PCDH9: variants seen among roughly 807,000 people sequenced by gnomAD.
The protein encoded by PCDH9 is protocadherin 9, also known as protocadherin-9.
A neutral mutation model predicts 70.6 loss-of-function variants in PCDH9; 24 were observed. The ratio of observed to expected loss-of-function variants is 0.34; its 90% CI spans 0.25 to 0.48. The LOEUF is 0.48. PCDH9 is among the 20% of genes least tolerant of loss of function. The pLI, the probability that PCDH9 is intolerant of heterozygous loss-of-function variation, is 0.99. For missense variants in PCDH9, 1,281 were observed against 1,503.6 expected, an observed-to-expected ratio of 0.85 and a Z score of 2.45; for synonymous variants, 562 against 558.5, an observed-to-expected ratio of 1.01 and a Z score of -0.09.
rs192395763 is a variant in PCDH9 at position 67,078,940 on chromosome 13, G to C, written c.3036+146465C>G. 1.5e-3 allele frequency among the ~76,000 whole-genome samples: 225 copies of C among 152,240 alleles called. 1 individual carries two copies. The highest frequency in any genetic ancestry group is 5.3e-3 in the African/African-American group (221 of 41,540). On this transcript the variant is annotated intron_variant, in intron 2 of 4. Transcript: ENST00000377865. ...TCCTGCAGTGGCCAGTCTGGACCTA[G>C]TCTACAAATCAGAAACTAAGAAAAT... is the stretch of plus-strand genomic sequence containing the variant.
At chr13:66,794,849 C>G (rs760101984) in intron 3 of PCDH9, among the ~76,000 whole-genome samples, 3 of 151,970 alleles carry the variant, frequency 2.0e-5, no homozygotes, top group Admixed American at 2.0e-4. Context: ...CACTGAAACA[C>G]TCATGACTAC....
chr13:66,410,287 T>TA (rs370526657), intron 4 of PCDH9, among the ~76,000 whole-genome samples: 384 of 152,178 alleles, frequency 2.5e-3, no homozygotes, highest in Non-Finnish European at 3.8e-3. Flanking sequence ...TATATAAGGA[T>TA]TAGTACCCTA....
At chr13:67,182,797 C>T (rs1371134823) in intron 2 of PCDH9, among the ~76,000 whole-genome samples, 1 of 152,088 alleles carries the variant, frequency 6.6e-6, no homozygotes, top group Non-Finnish European at 1.5e-5. Flanking sequence ...GGGGTACCCT[C>T]TTCCTTTACA....
chr13:66,442,092 T>G (rs967136094), intron 4 of PCDH9, among the ~76,000 whole-genome samples: 3 of 152,164 alleles, frequency 2.0e-5, no homozygotes, highest in African/African-American at 7.2e-5. Flanking sequence ...CTTAAAGGGA[T>G]GGGGAGGATT....
In PCDH9 at chr13:66,720,319, C is replaced by CT. The variant is rs1216610961; in HGVS notation, c.3139-88909dup. ...TGCTACCATACCTGGCTAATTTTTG[C>CT]TTTTTTGTTTTTTTTTTTTTTTTGG... On this transcript the variant is annotated intron_variant, in intron 3 of 4. Coordinates refer to ENST00000377865, the MANE Select transcript of PCDH9 (RefSeq NM_203487.3). 9.1e-4 allele frequency among the ~76,000 whole-genome samples: 71 copies of CT among 77,976 alleles called. 1 individual carries two copies. The South Asian group carries it at 0.035, about 38-fold the overall frequency. 51.2% of individuals were successfully genotyped at this position (77,976 alleles called of 152,430 possible). A position where few individuals can be genotyped will look rare whatever the true frequency, so the allele number is the denominator to read the frequency against.
At chr13:67,188,880 C>T (rs2088831887) in intron 2 of PCDH9, among the ~76,000 whole-genome samples, 1 of 151,572 alleles carries the variant, frequency 6.6e-6, no homozygotes, top group African/African-American at 2.4e-5. Flanking sequence ...TTCTATGCAC[C>T]CATCACCCAA....
At chr13:66,668,729 A>G (rs2078130889) in intron 3 of PCDH9, among the ~76,000 whole-genome samples, 1 of 152,312 alleles carries the variant, frequency 6.6e-6, no homozygotes, top group African/African-American at 2.4e-5. Flanking sequence ...ATTGAAAATC[A>G]TTCCTTCTCT....
intron 2 of PCDH9, among the ~76,000 whole-genome samples, chr13:67,132,566 G>T (rs2087133691): frequency 6.6e-6 from 1 of 152,136 alleles, no homozygotes; most frequent in South Asian, 2.1e-4. Context: ...CAAATAGGTG[G>T]TAACATATAG....
At chr13:66,827,436 G>C (rs1275001239) in intron 3 of PCDH9, among the ~76,000 whole-genome samples, 1 of 151,548 alleles carries the variant, frequency 6.6e-6, no homozygotes, top group African/African-American at 2.4e-5. Context: ...ACTATAGAAG[G>C]ATAATAGTGA....
intron 3 of PCDH9, among the ~76,000 whole-genome samples, chr13:66,745,790 T>C (rs910025029): frequency 6.6e-6 from 1 of 152,188 alleles, no homozygotes; most frequent in Non-Finnish European, 1.5e-5. Flanking sequence ...GTTGTGCACA[T>C]AAAATAAAAT....
At chr13:66,986,214 G>T (rs993500726) in intron 2 of PCDH9, among the ~76,000 whole-genome samples, 1 of 151,960 alleles carries the variant, frequency 6.6e-6, no homozygotes, top group South Asian at 2.1e-4. Flanking sequence ...GATCTCATGA[G>T]ATTTCACTCA....
At chr13:66,562,675 T>A (rs891241594) in intron 4 of PCDH9, among the ~76,000 whole-genome samples, 8 of 152,028 alleles carry the variant, frequency 5.3e-5, no homozygotes, top group Admixed American at 3.9e-4. Flanking sequence ...CCTCCCAGGA[T>A]ACATGAGGAT....
intron 3 of PCDH9, among the ~76,000 whole-genome samples, chr13:66,691,183 C>T (rs955326745): frequency 6.6e-5 from 10 of 152,038 alleles, no homozygotes; most frequent in African/African-American, 2.2e-4. Context: ...ATTACAGGCT[C>T]CTGCCACCAT....
At chr13:66,922,325 G>C (rs996346705) in intron 2 of PCDH9, among the ~76,000 whole-genome samples, 1 of 151,264 alleles carries the variant, frequency 6.6e-6, no homozygotes, top group Non-Finnish European at 1.5e-5. Flanking sequence ...AAATTGATCA[G>C]TTATTTCTTC....
In PCDH9 at chr13:66,360,264, A is replaced by AC. The variant is rs375880071; in HGVS notation, c.3341-55237_3341-55236insG. Among the ~76,000 whole-genome samples the AC allele has an allele frequency of 4.1e-3, 617 of 152,214 alleles. 1 individual carries two copies. Among genetic ancestry groups the AC allele is most frequent in the Middle Eastern group, 0.031 (9 of 294 alleles). ...ATATAGATAGCAGTAGTTTTGCAAA[A>AC]AGTTGACGTCCACCTTGATGGCAGG... is the stretch of plus-strand genomic sequence containing the variant. On this transcript the variant is annotated intron_variant, in intron 4 of 4. Transcript: ENST00000377865.
chr13:66,888,973 A>G (rs1327016896), intron 3 of PCDH9, among the ~76,000 whole-genome samples: 2 of 152,202 alleles, frequency 1.3e-5, no homozygotes, highest in Non-Finnish European at 2.9e-5. Context: ...CACAAGCTCA[A>G]TTGTAGAACT....
At chr13:66,642,152 C>T (rs763124678) in intron 3 of PCDH9, among the ~76,000 whole-genome samples, 1 of 151,884 alleles carries the variant, frequency 6.6e-6, no homozygotes. Flanking sequence ...TACAAACATG[C>T]TATATGTGTC....
intron 3 of PCDH9, among the ~76,000 whole-genome samples, chr13:66,670,900 T>C (rs536071945): frequency 7.2e-6 from 1 of 138,446 alleles, no homozygotes; most frequent in South Asian, 2.4e-4. Context: ...CTAACATGAC[T>C]GTGTTCTTAT....
chr13:67,022,655 A>G (rs942652234), intron 2 of PCDH9, among the ~76,000 whole-genome samples: 1 of 152,232 alleles, frequency 6.6e-6, no homozygotes, highest in African/African-American at 2.4e-5. Context: ...AGGAAACAGT[A>G]TCTCGCACTT....
Sources: allele counts gnomAD v4.1 joint callset (sites outside exome capture counted in the v4.1 genomes callset), GRCh38; gene constraint gnomAD v4.1.1; transcripts MANE v1.5; gene names NCBI Gene and HGNC (gene_info 2026-07-23, HGNC 2026-07-21).